Variants in PIK3CD observed in about 807,000 individuals in gnomAD.
The protein encoded by PIK3CD is phosphatidylinositol 4,5-bisphosphate 3-kinase catalytic subunit delta isoform.
PIK3CD carries 20 observed loss-of-function variants against 122.9 expected under a neutral mutation model. The ratio of observed to expected loss-of-function variants is 0.16; its 90% CI spans 0.11 to 0.24. The LOEUF (loss-of-function observed/expected upper bound fraction) is 0.24, where lower values mean the gene tolerates loss of function less well. Among genes scored for constraint, PIK3CD ranks in the 10% least tolerant of loss-of-function variants. PIK3CD has a pLI of 1.00. For synonymous variants in PIK3CD, 596 were observed against 593.4 expected (o/e 1.00, Z -0.06); for missense variants, 787 against 1,406.3 (o/e 0.56, Z 7.04).
chr1:9,724,415 T>A lies in PIK3CD; in HGVS notation c.2858T>A (p.Phe953Tyr). The A allele has an allele frequency of 6.2e-7, 1 of 1,614,052 alleles. No homozygotes were observed. ...GGGAAGACTAATAATAGTGAGAAAT[T>A]TGAACGGTGAGAGTGCCTGAGCCCC... ...QQGKTNNSEK[F>Y]ERFRGYCERA... is the part of the protein sequence containing the mutation. Residue 953 changes from phenylalanine to tyrosine, a missense_variant, in exon 22 of 24, where the codon TTT becomes TAT. Physicochemically the swap from Phe to Tyr is conservative, Grantham distance 22 (BLOSUM62 3). This residue lies in a region of PIK3CD where 60 missense variants were observed against 129.5 expected (regional missense o/e 0.46). Transcript: ENST00000377346. The surrounding 1 kb of genome is among the most constrained non-coding windows in gnomAD (Gnocchi z 7.3).
chr1:9,684,736 C>T (rs183752931), intron 1 of PIK3CD, among the ~76,000 whole-genome samples: 31 of 150,620 alleles, frequency 2.1e-4, no homozygotes, highest in Non-Finnish European at 4.1e-4. Flanking sequence ...TGGCACACAC[C>T]TCAGCTACTC....
At chr1:9,650,148 G>A (rs994161600), upstream of PIK3CD, among the ~76,000 whole-genome samples, 3 of 152,192 alleles carry the variant, frequency 2.0e-5, no homozygotes, top group Non-Finnish European at 4.4e-5. Context: ...CTTGGGTCAG[G>A]TGTGGTGGTT....
chr1:9,721,697 C>G lies in PIK3CD; in HGVS notation c.1956-64C>G, dbSNP rs1648688388. 1.9e-6 allele frequency: 3 copies of G among 1,605,006 alleles called. No individual in the cohort carries two copies. The South Asian group carries it at 3.3e-5, about 18-fold the overall frequency. On this transcript the variant is annotated intron_variant, in intron 15 of 23. Coordinates refer to ENST00000377346, the MANE Select transcript of PIK3CD (RefSeq NM_005026.5). ...CTGGGTGTCCTGGCCTCGCTAGGTC[C>G]TGCTGGGCGGGAGGGGCTGCGTGGT...
At chr1:9,664,486 C>T (rs917107005) in intron 1 of PIK3CD, among the ~76,000 whole-genome samples, 4 of 152,178 alleles carry the variant, frequency 2.6e-5, no homozygotes, top group African/African-American at 9.7e-5. Flanking sequence ...CACCCAAAGC[C>T]CTGCACAGAT....
At chr1:9,725,379 C>G (rs1459471095) in intron 23 of PIK3CD, among the ~76,000 whole-genome samples, 2 of 151,576 alleles carry the variant, frequency 1.3e-5, no homozygotes, top group Non-Finnish European at 2.9e-5. Context: ...CATGGAGAAA[C>G]CCCGTCTCTA....
chr1:9,709,653 A>G (rs534905732), intron 2 of PIK3CD, among the ~76,000 whole-genome samples: 2 of 152,032 alleles, frequency 1.3e-5, no homozygotes, highest in Admixed American at 1.3e-4. Context: ...ACAGTGAGCT[A>G]TGATGGCACC....
intron 1 of PIK3CD, among the ~76,000 whole-genome samples, chr1:9,658,827 G>A (rs1327587166): frequency 6.6e-6 from 1 of 152,152 alleles, no homozygotes; most frequent in Non-Finnish European, 1.5e-5. Context: ...CTTTTTATCT[G>A]CTGGGTGACC....
At position 9,717,484 on chromosome 1, in the gene PIK3CD, G is replaced by C; in HGVS notation, c.931-53G>C. The C allele has an allele frequency of 6.4e-7, 1 of 1,568,296 alleles. No homozygotes were observed. Among genetic ancestry groups the C allele is most frequent in the Non-Finnish European group, 8.8e-7 (1 of 1,138,834 alleles). ...GTCACGGGCCTCACCATAGGCCAGG[G>C]AGACAAGCTGCACTTTGAGCCGTGT... On this transcript the variant is annotated intron_variant, in intron 7 of 23. Coordinates refer to ENST00000377346, the MANE Select transcript of PIK3CD (RefSeq NM_005026.5). The surrounding 1 kb of genome is among the most constrained non-coding windows in gnomAD (Gnocchi z 5.4).
rs1336890715 is a variant in PIK3CD, at chr1:9,722,077, C to T, written c.2158C>T (p.Arg720Trp). ...QTKELMHLCM[R>W]QEAYLEALSH... ...CAAGGAGCTGATGCACTTGTGCATG[C>T]GGCAGGAGGCCTACCTAGAGGCCCT... The change falls in exon 17 of 24, where the codon CGG becomes TGG. Residue 720 changes from arginine (R) to tryptophan (W), a missense_variant. By Grantham distance (101) the Arg-to-Trp change is moderately radical. Coordinates refer to ENST00000377346, the MANE Select transcript of PIK3CD (RefSeq NM_005026.5). The surrounding 1 kb of genome is among the most constrained non-coding windows in gnomAD (Gnocchi z 7.6). 2.5e-6 allele frequency: 4 copies of T among 1,613,408 alleles called. No homozygotes were observed. The highest frequency in any genetic ancestry group is 3.4e-6 in the Non-Finnish European group (4 of 1,179,972).
At position 9,724,758 on chromosome 1, in the gene PIK3CD, G is replaced by A; in HGVS notation, c.2865-46G>A. 6.2e-7 allele frequency: 1 copy of A among 1,611,540 alleles called. No homozygotes were observed. The highest frequency in any genetic ancestry group is 8.5e-7 in the Non-Finnish European group (1 of 1,179,798). The stretch of plus-strand genomic sequence containing the variant: ...GATGCAGAGCGGCCCTCTGGCCTGT[G>A]GCTGGGAGTTCCCAGAGCCTCACTT... On this transcript the variant is annotated intron_variant, in intron 22 of 23. Transcript: ENST00000377346. This position sits in a 1 kb window ranked among gnomAD's most constrained non-coding sequence, Gnocchi z 7.3.
chr1:9,653,139 G>A (rs1018754111), intron 1 of PIK3CD: 3 of 152,344 alleles, frequency 2.0e-5, no homozygotes, highest in Middle Eastern at 3.1e-3. Context: ...TCCTCTCTCA[G>A]GGCTCTCGGA....
chr1:9,656,026 T>C (rs1198200629), intron 1 of PIK3CD, among the ~76,000 whole-genome samples: 1 of 151,234 alleles, frequency 6.6e-6, no homozygotes, highest in Non-Finnish European at 1.5e-5. Context: ...ACAGGGGGAG[T>C]GATCAGAGTG....
At chr1:9,663,578 A>G (rs1470310457) in intron 1 of PIK3CD, among the ~76,000 whole-genome samples, 1 of 142,172 alleles carries the variant, frequency 7.0e-6, no homozygotes, top group Non-Finnish European at 1.5e-5. Flanking sequence ...TTTTATTTTT[A>G]TTTTTTTAAT....
upstream of PIK3CD, among the ~76,000 whole-genome samples, chr1:9,648,289 A>G (rs1644625520): frequency 6.6e-6 from 1 of 152,212 alleles, no homozygotes; most frequent in East Asian, 1.9e-4. Flanking sequence ...GCGCTTGACA[A>G]CTTGGCATGC....
rs575699940 is a variant in PIK3CD at position 9,654,723 on chromosome 1, G to C, written c.-138+2921G>C. 247 of 340,098 alleles carry C rather than the reference G, an allele frequency of 7.3e-4. 3 individuals are homozygous for C. Among genetic ancestry groups the C allele is most frequent in the South Asian group, 5.4e-3 (240 of 44,234 alleles). The allele number at this position is 340,098 out of a possible 1,614,324, so 21.1% of individuals were successfully genotyped here. ...CTGCCGGTGTGGGCCTGATGGTGGGGTTTGGGGCCCCAGCAAATGTTTCCT... is the reference window on the plus strand; with the variant it reads ...CTGCCGGTGTGGGCCTGATGGTGGGCTTTGGGGCCCCAGCAAATGTTTCCT... On this transcript the variant is annotated intron_variant, in intron 1 of 23. Coordinates refer to ENST00000377346, the MANE Select transcript of PIK3CD (RefSeq NM_005026.5).
chr1:9,692,780 T>G (rs2100491971), intron 2 of PIK3CD, among the ~76,000 whole-genome samples: 1 of 152,186 alleles, frequency 6.6e-6, no homozygotes, highest in South Asian at 2.1e-4. Flanking sequence ...AATTTTAACC[T>G]ATAAACCAGA....
intron 1 of PIK3CD, among the ~76,000 whole-genome samples, chr1:9,661,327 G>A (rs1389132721): frequency 7.2e-5 from 11 of 152,180 alleles, no homozygotes; most frequent in Admixed American, 4.6e-4. Flanking sequence ...TGATCTACTC[G>A]CCTCGGCCTC....
chr1:9,702,495 C>A (rs1374830999), intron 2 of PIK3CD, among the ~76,000 whole-genome samples: 2 of 49,316 alleles, frequency 4.1e-5, no homozygotes, highest in Non-Finnish European at 4.9e-5. Context: ...AAGGAAAGAA[C>A]TTTCCTTTTT....
intron 13 of PIK3CD, 55 bp from the exon 14 acceptor site, chr1:9,721,072 G>T: frequency 6.6e-7 from 1 of 1,518,468 alleles, no homozygotes; most frequent in South Asian, 1.1e-5. Flanking sequence ...CCCTTACCCT[G>T]ACCACCTCCA....
Sources: gnomAD v4.1 joint callset for allele counts (sites outside exome capture counted in the v4.1 genomes callset) on GRCh38, gnomAD v4.1.1 for gene constraint, gnomAD v4.1.1 regional missense constraint, Gnocchi (gnomAD v3.1) non-coding constraint, MANE v1.5 for transcripts, NCBI Gene and HGNC (gene_info 2026-07-23, HGNC 2026-07-21) for gene names.